The following FSTL5 variants were observed in gnomAD, a reference collection of about 807,000 sequenced individuals.
The protein encoded by FSTL5 is follistatin like 5.
A neutral mutation model predicts 89.1 loss-of-function variants in FSTL5; 62 were observed. That is an observed-to-expected ratio of 0.70 (90% CI 0.57 to 0.86). FSTL5 has a LOEUF of 0.86. FSTL5 is among the 40% of genes least tolerant of loss of function. The pLI, the probability that FSTL5 is intolerant of heterozygous loss-of-function variation, is 0.00. For missense variants in FSTL5, 1,057 were observed against 1,001.6 expected (o/e 1.06, Z -0.75); for synonymous variants, 383 against 346.2 (o/e 1.11, Z -1.18).
intron 3 of FSTL5, among the ~76,000 whole-genome samples, chr4:161,972,289 G>T (rs1410510573): frequency 2.0e-5 from 3 of 151,960 alleles, no homozygotes; most frequent in African/African-American, 7.3e-5. Flanking sequence ...GGTCAGGCTG[G>T]TCTCGAACTC....
intron 8 of FSTL5, among the ~76,000 whole-genome samples, chr4:161,583,457 C>T (rs565293178): frequency 3.9e-5 from 6 of 152,266 alleles, no homozygotes; most frequent in Admixed American, 3.3e-4. Context: ...ACTGTATCTC[C>T]TTTGAGCCCC....
intron 2 of FSTL5, among the ~76,000 whole-genome samples, chr4:162,062,241 ACT>A (rs1738741217): frequency 6.6e-6 from 1 of 151,874 alleles, no homozygotes; most frequent in Admixed American, 6.6e-5. Flanking sequence ...TTATGAGTTT[ACT>A]CTTTTTCGTA....
intron 2 of FSTL5, among the ~76,000 whole-genome samples, chr4:162,070,255 T>C (rs973615947): frequency 2.0e-5 from 3 of 151,888 alleles, no homozygotes; most frequent in African/African-American, 7.2e-5. Flanking sequence ...CTTGGATATT[T>C]TGGATATTAA....
chr4:162,073,970 T>G (rs1263848741), intron 2 of FSTL5, among the ~76,000 whole-genome samples: 1 of 151,778 alleles, frequency 6.6e-6, no homozygotes, highest in Non-Finnish European at 1.5e-5. Flanking sequence ...ACTGAAATTT[T>G]TTCCTTGTAT....
chr4:161,827,466 A>T (rs9991178), intron 4 of FSTL5, among the ~76,000 whole-genome samples: 48 of 152,150 alleles, frequency 3.2e-4, no homozygotes, highest in Admixed American at 3.1e-3. Context: ...AGTGCATCAG[A>T]TGTGGTAGCA....
intron 7 of FSTL5, among the ~76,000 whole-genome samples, chr4:161,590,548 C>G (rs568095693): frequency 6.6e-6 from 1 of 151,966 alleles, no homozygotes; most frequent in South Asian, 2.1e-4. Context: ...CAAAACAAAA[C>G]AAAACAAAAC....
intron 2 of FSTL5, among the ~76,000 whole-genome samples, chr4:162,049,912 T>C (rs187254577): frequency 6.6e-6 from 1 of 151,988 alleles, no homozygotes; most frequent in African/African-American, 2.4e-5. Flanking sequence ...AAAACGATAG[T>C]TGACATAATG....
At position 161,947,587 on chromosome 4, in the gene FSTL5, A is replaced by C. The variant is rs577677804; in HGVS notation, c.161-26935T>G. On this transcript the variant is annotated intron_variant, in intron 3 of 15. Transcript: ENST00000306100. The stretch of plus-strand genomic sequence containing the variant: ...GATTCCTCATACTGTTTCCCACATA[A>C]ATATCTATTTTTTAATTACTGTAGC... Among the ~76,000 whole-genome samples the C allele has an allele frequency of 7.9e-4, 121 of 152,204 alleles. 1 individual carries two copies. The highest frequency in any genetic ancestry group is 2.9e-3 in the African/African-American group (119 of 41,542).
chr4:162,060,857 T>C (rs982355648), intron 2 of FSTL5, among the ~76,000 whole-genome samples: 4 of 152,088 alleles, frequency 2.6e-5, no homozygotes, highest in African/African-American at 7.2e-5. Context: ...GGTTCTTCTA[T>C]TGACAACTGT....
intron 13 of FSTL5, among the ~76,000 whole-genome samples, chr4:161,477,355 G>C (rs1332070491): frequency 6.7e-6 from 1 of 149,476 alleles, no homozygotes; most frequent in Non-Finnish European, 1.5e-5. Flanking sequence ...TTTTCCATTT[G>C]AGTTTCATTG....
chr4:161,746,782 T>C (rs1178099479), intron 6 of FSTL5, among the ~76,000 whole-genome samples: 2 of 152,212 alleles, frequency 1.3e-5, no homozygotes, highest in Non-Finnish European at 2.9e-5. Flanking sequence ...CTCATTATTA[T>C]GTTCACTAAG....
At chr4:161,428,786 G>A (rs56067483) in intron 15 of FSTL5, among the ~76,000 whole-genome samples, 2 of 151,970 alleles carry the variant, frequency 1.3e-5, no homozygotes, top group Non-Finnish European at 2.9e-5. Flanking sequence ...CAAGTGTGAC[G>A]AAGCACATTC....
At chr4:161,938,957 T>C (rs1734505722) in intron 3 of FSTL5, among the ~76,000 whole-genome samples, 1 of 152,002 alleles carries the variant, frequency 6.6e-6, no homozygotes, top group Non-Finnish European at 1.5e-5. Context: ...AATTTAAAAA[T>C]CATATTTGTT....
chr4:161,548,370 T>A (rs1433747486), intron 8 of FSTL5, among the ~76,000 whole-genome samples: 1 of 151,904 alleles, frequency 6.6e-6, no homozygotes, highest in Non-Finnish European at 1.5e-5. Flanking sequence ...CTTTATGTCC[T>A]GTAATAGAGT....
Position 162,093,364 on chromosome 4 carries a change from G to A in FSTL5, c.126+17907C>T, listed in dbSNP as rs1349852265. On this transcript the variant is annotated intron_variant, in intron 2 of 15. Coordinates refer to ENST00000306100, the MANE Select transcript of FSTL5 (RefSeq NM_020116.5). The stretch of plus-strand genomic sequence containing the variant: ...TAGATAACAGGTCAAATGTTTGTTG[G>A]GAAATCCCAACACTTCGCTGAGATG... 2.0e-5 allele frequency among the ~76,000 whole-genome samples: 3 copies of A among 152,198 alleles called. No homozygotes were observed. In the East Asian group the frequency reaches 5.8e-4, roughly 29 times the overall value.
chr4:161,454,687 A>G (rs776728188), intron 15 of FSTL5, among the ~76,000 whole-genome samples: 2 of 152,202 alleles, frequency 1.3e-5, no homozygotes, highest in Non-Finnish European at 2.9e-5. Context: ...TTTGGGGGAA[A>G]TGCCAGCATT....
rs544788000 is a variant in FSTL5, at chr4:162,124,424, C to A, written c.-16-13012G>T. Among the ~76,000 whole-genome samples, 16 of 152,144 alleles carry A rather than the reference C, an allele frequency of 1.1e-4. No individual in the cohort carries two copies. In the East Asian group the frequency reaches 2.9e-3, roughly 28 times the overall value. On this transcript the variant is annotated intron_variant, in intron 1 of 15. Transcript: ENST00000306100. Reference sequence around the variant, plus strand: ...CAACTTTCTTTCTCCATTCTCTCCTCTTCTCTAGGTAATGAATATAAAATT... The same window carrying A: ...CAACTTTCTTTCTCCATTCTCTCCTATTCTCTAGGTAATGAATATAAAATT...
chr4:162,052,887 ATTG>A (rs913743025), intron 2 of FSTL5, among the ~76,000 whole-genome samples: 4 of 151,736 alleles, frequency 2.6e-5, no homozygotes, highest in African/African-American at 7.2e-5. Flanking sequence ...ATTCACCCTA[ATTG>A]TTGTTAAAAA....
At chr4:161,518,014 T>G (rs1730900346) in intron 10 of FSTL5, among the ~76,000 whole-genome samples, 2 of 152,232 alleles carry the variant, frequency 1.3e-5, no homozygotes, top group South Asian at 2.1e-4. Flanking sequence ...GAACTAAGAC[T>G]TTAACCTATG....
Sources: allele counts gnomAD v4.1 joint callset (sites outside exome capture counted in the v4.1 genomes callset), GRCh38; gene constraint gnomAD v4.1.1; transcripts MANE v1.5; gene names NCBI Gene and HGNC (gene_info 2026-07-23, HGNC 2026-07-21).